The following LARP4B variants were observed in gnomAD, a reference collection of about 807,000 sequenced individuals.
LARP4B encodes la-related protein 4B.
In LARP4B, 12 loss-of-function variants were observed where a neutral mutation model predicts 89.8. That is an observed-to-expected ratio of 0.13 (90% CI 0.09 to 0.22). The LOEUF (loss-of-function observed/expected upper bound fraction) is 0.22. Among genes scored for constraint, LARP4B ranks in the 10% least tolerant of loss-of-function variants. The pLI is 1.00. For missense variants in LARP4B, 757 were observed against 947.7 expected (o/e 0.80, Z 2.64); for synonymous variants, 367 against 363.3 (o/e 1.01, Z -0.12).
intron 1 of LARP4B, among the ~76,000 whole-genome samples, chr10:910,211 C>G (rs1046364457): frequency 6.7e-6 from 1 of 149,060 alleles, no homozygotes; most frequent in Non-Finnish European, 1.5e-5. Context: ...AACTCAGGAA[C>G]TGCCTTTTTT....
chr10:932,780 A>C (rs1187044399), upstream of LARP4B, among the ~76,000 whole-genome samples: 3 of 129,734 alleles, frequency 2.3e-5, no homozygotes, highest in Admixed American at 7.7e-5. Flanking sequence ...CCAACCCCAC[A>C]CCCGGGACCA....
At chr10:881,270 T>A (rs1188581620) in intron 3 of LARP4B, among the ~76,000 whole-genome samples, 2 of 152,146 alleles carry the variant, frequency 1.3e-5, no homozygotes, top group African/African-American at 4.8e-5. Flanking sequence ...TTCAATCCCC[T>A]CTCGCCTTCT....
chr10:883,251 C>T (rs1330711946), intron 3 of LARP4B, among the ~76,000 whole-genome samples: 2 of 152,234 alleles, frequency 1.3e-5, no homozygotes, highest in Non-Finnish European at 2.9e-5. Context: ...GTGGCTCATG[C>T]CTGTAATCCC....
In LARP4B at chr10:867,248, A is replaced by C. The variant is rs190154499; in HGVS notation, c.142-2978T>G. ...AAGGCTTAATGACATTCAAGGATCTACCACGTGCTGAGCACATTCTACGCA... is the reference window on the plus strand; with the variant it reads ...AAGGCTTAATGACATTCAAGGATCTCCCACGTGCTGAGCACATTCTACGCA... On this transcript the variant is annotated intron_variant, in intron 3 of 17. Coordinates refer to ENST00000316157, the MANE Select transcript of LARP4B (RefSeq NM_015155.3). Among the ~76,000 whole-genome samples the C allele has an allele frequency of 5.3e-5, 8 of 152,330 alleles. No individual in the cohort carries two copies. In the East Asian group the frequency reaches 1.5e-3, roughly 29 times the overall value.
In LARP4B at chr10:825,776, G is replaced by C. The variant is rs1411052372; in HGVS notation, c.1220C>G (p.Pro407Arg). 6.2e-7 allele frequency: 1 copy of C among 1,613,200 alleles called. No individual in the cohort carries two copies. The highest frequency in any genetic ancestry group is 1.3e-5 in the African/African-American group (1 of 74,930). The change falls in exon 12 of 18, where the codon CCT becomes CGT. Residue 407 changes from proline (P) to arginine (R), a missense_variant. Physicochemically the swap from Pro to Arg is moderately radical, Grantham distance 103 (BLOSUM62 -2). Coordinates refer to ENST00000316157, the MANE Select transcript of LARP4B (RefSeq NM_015155.3). Reference sequence around the variant, plus strand: ...CCCCGGAACTTGCCTGCTTCGAGGAGGATACTGTCTGAGAGAAGTCAGAGG... The same window carrying C: ...CCCCGGAACTTGCCTGCTTCGAGGACGATACTGTCTGAGAGAAGTCAGAGG... ...ASPLTSLRQY[P>R]PRSRNPSKSH... is the part of the protein sequence containing the mutation.
At chr10:833,363 G>C (rs528490718) in intron 8 of LARP4B, among the ~76,000 whole-genome samples, 24 of 149,750 alleles carry the variant, frequency 1.6e-4, no homozygotes, top group Non-Finnish European at 3.0e-4. Context: ...GCCGCCCACG[G>C]GCTGAAGAAG....
At chr10:903,006 G>GTC (rs1327055107) in intron 1 of LARP4B, among the ~76,000 whole-genome samples, 1 of 152,184 alleles carries the variant, frequency 6.6e-6, no homozygotes, top group African/African-American at 2.4e-5. Flanking sequence ...CTTTTGTCTA[G>GTC]TCTGTTTAGA....
the LARP4B span, among the ~76,000 whole-genome samples, chr10:982,949 T>A: frequency 6.6e-6 from 1 of 152,210 alleles, no homozygotes; most frequent in African/African-American, 2.4e-5. Context: ...CCAGGTATAC[T>A]GATGCTTTAA....
chr10:961,237 C>T, the LARP4B span, among the ~76,000 whole-genome samples: 1 of 152,232 alleles, frequency 6.6e-6, no homozygotes, highest in African/African-American at 2.4e-5. Flanking sequence ...TGGCTGTTGT[C>T]TTAGTCCATT....
intron 3 of LARP4B, among the ~76,000 whole-genome samples, chr10:864,821 C>T (rs1239152894): frequency 2.0e-5 from 3 of 152,084 alleles, no homozygotes; most frequent in East Asian, 3.9e-4. Context: ...GGCGTGGTGG[C>T]GCATGCCTGT....
At chr10:939,851 T>G in the LARP4B span, among the ~76,000 whole-genome samples, 1 of 152,268 alleles carries the variant, frequency 6.6e-6, no homozygotes, top group South Asian at 2.1e-4. Flanking sequence ...CTTTTTATTT[T>G]TATTTATTTT....
chr10:931,207 G>A (rs1294425857), intron 1 of LARP4B, among the ~76,000 whole-genome samples: 3 of 147,008 alleles, frequency 2.0e-5, no homozygotes, highest in East Asian at 2.0e-4. Flanking sequence ...TCCTGGCCCT[G>A]ACCCCGGTCC....
the LARP4B span, among the ~76,000 whole-genome samples, chr10:958,532 G>C: frequency 6.6e-6 from 1 of 152,206 alleles, no homozygotes; most frequent in Non-Finnish European, 1.5e-5. Context: ...TGTTGGTGCA[G>C]GTGTTATCCA....
At chr10:832,650 AAG>A (rs1394762571) in intron 8 of LARP4B, among the ~76,000 whole-genome samples, 3 of 152,216 alleles carry the variant, frequency 2.0e-5, no homozygotes, top group African/African-American at 4.8e-5. Flanking sequence ...CGTATACCAG[AAG>A]AGAGAGTATC....
intron 1 of LARP4B, among the ~76,000 whole-genome samples, chr10:912,875 C>T (rs1213344810): frequency 6.6e-6 from 1 of 152,052 alleles, no homozygotes; most frequent in Non-Finnish European, 1.5e-5. Context: ...AACAAAAACA[C>T]AAAATATGAC....
Position 882,410 on chromosome 10 carries a change from C to G in LARP4B, c.141+2037G>C, listed in dbSNP as rs1027308089. On this transcript the variant is annotated intron_variant, in intron 3 of 17. Transcript: ENST00000316157. ...AAACCATTTTTTTTTTTTTCTGAGA[C>G]AGAGTTTCACTCTGCTGCCTAGGCT... 3.3e-5 allele frequency among the ~76,000 whole-genome samples: 5 copies of G among 149,606 alleles called. No individual in the cohort carries two copies. In the South Asian group the frequency reaches 1.1e-3, roughly 32 times the overall value.
intron 1 of LARP4B, among the ~76,000 whole-genome samples, chr10:904,961 C>A (rs1836448764): frequency 1.3e-5 from 2 of 152,196 alleles, no homozygotes; most frequent in Admixed American, 1.3e-4. Context: ...AATGTACAGA[C>A]CTCATTTCAC....
At chr10:945,689 G>GA in the LARP4B span, among the ~76,000 whole-genome samples, 70,677 of 142,468 alleles carry the variant, frequency 0.5, 17,313 homozygotes, top group South Asian at 0.67. Flanking sequence ...CTCCGTCTCA[G>GA]AAAAAAAAAA....
Position 812,965 on chromosome 10 carries a change from G to C in LARP4B, c.2178C>G (p.Leu726=). 6.4e-7 allele frequency: 1 copy of C among 1,570,470 alleles called. No homozygotes were observed. The highest frequency in any genetic ancestry group is 2.2e-5 in the East Asian group (1 of 44,718). The change falls in exon 18 of 18, where the codon CTC becomes CTG. Residue 726 remains leucine (L), a synonymous_variant. Coordinates refer to ENST00000316157, the MANE Select transcript of LARP4B (RefSeq NM_015155.3). Reference sequence around the variant, plus strand: ...TGGGGGGAGTGCTCTGCTCTCGGCTGAGACGCTTCCCCATGGCCGAGGGCG... The same window carrying C: ...TGGGGGGAGTGCTCTGCTCTCGGCTCAGACGCTTCCCCATGGCCGAGGGCG... ...RPSPSAMGKR[L]SREQSTPPKS... is the part of the protein sequence containing the mutation.
Sources: allele counts gnomAD v4.1 joint callset (sites outside exome capture counted in the v4.1 genomes callset), GRCh38; gene constraint gnomAD v4.1.1; transcripts MANE v1.5; gene names NCBI Gene and HGNC (gene_info 2026-07-23, HGNC 2026-07-21).